ZNF112: variants seen among roughly 807,000 people sequenced by gnomAD.
The protein encoded by ZNF112 is zinc finger protein 112 (Y14).
Under a neutral mutation model 77.7 loss-of-function variants are expected in ZNF112, and 37 were observed. The ratio of observed to expected loss-of-function variants is 0.48; its 90% CI spans 0.37 to 0.63. ZNF112 has a LOEUF of 0.63. Among genes scored for constraint, ZNF112 ranks in the 20% least tolerant of loss-of-function variants. The pLI, the probability that ZNF112 is intolerant of heterozygous loss-of-function variation, is 0.00. For missense variants in ZNF112, 950 were observed against 1,077.4 expected, an observed-to-expected ratio of 0.88 and a Z score of 1.66; for synonymous variants, 333 against 363.6, an observed-to-expected ratio of 0.92 and a Z score of 0.96.
At position 44,328,019 on chromosome 19, in the gene ZNF112, C is replaced by T; in HGVS notation, c.2138G>A (p.Arg713Lys). 7.4e-6 allele frequency: 12 copies of T among 1,612,770 alleles called. No individual in the cohort carries two copies. The highest frequency in any genetic ancestry group is 9.3e-6 in the Non-Finnish European group (11 of 1,179,642). Residue 713 changes from arginine to lysine, a missense_variant, in exon 4 of 4, where the codon AGA (arginine) becomes AAA (lysine). Arg to Lys is a conservative substitution (Grantham distance 26). Around this residue, in one of 3 missense-constraint regions of ZNF112, gnomAD observed 373 missense variants for 482.8 expected, o/e 0.77. Transcript: ENST00000354340. The part of the protein sequence containing the change: ...QSHQSVHSGE[R>K]PYICEVCGKG... ...TCCACATACCTCACATATATATGGT[C>T]TTTCTCCAGAATGGACACTCTGATG...
At chr19:44,340,994 A>T (rs1448965182) in intron 1 of ZNF112, among the ~76,000 whole-genome samples, 1 of 152,176 alleles carries the variant, frequency 6.6e-6, no homozygotes, top group Non-Finnish European at 1.5e-5. Flanking sequence ...TGCTGCAGTG[A>T]TGGGCACAGC....
In ZNF112 at chr19:44,328,548, G is replaced by T; in HGVS notation, c.1609C>A (p.His537Asn). 6.2e-7 allele frequency: 1 copy of T among 1,604,674 alleles called. No homozygotes were observed. Among genetic ancestry groups the T allele is most frequent in the Non-Finnish European group, 8.5e-7 (1 of 1,173,796 alleles). The change falls in exon 4 of 4, where the codon CAT (histidine) becomes AAT (asparagine). Residue 537 changes from histidine to asparagine, a missense_variant. By Grantham distance (68) the His-to-Asn change is moderately conservative (BLOSUM62 1). This residue lies in a region of ZNF112 where 373 missense variants were observed against 482.8 expected (regional missense o/e 0.77). Coordinates refer to ENST00000354340, the MANE Select transcript of ZNF112 (RefSeq NM_013380.4). ...TTCTCTCCTGTGTGGACTCTCTGAT[G>T]AACATTCAGAACTGATCTATGATTG... ...GFNHRSVLNV[H>N]QRVHTGEKPY...
At chr19:44,362,731 TAAAAAG>T (rs1182319711) in intron 1 of ZNF112, among the ~76,000 whole-genome samples, 2 of 152,044 alleles carry the variant, frequency 1.3e-5, no homozygotes, top group Non-Finnish European at 2.9e-5. Context: ...GCACACATAT[TAAAAAG>T]AAAAAGAAAA....
Position 44,329,334 on chromosome 19 carries a change from A to G in ZNF112, c.823T>C (p.Leu275=), listed in dbSNP as rs1402538357. ...SSSEVHQQFH[L]EGKPYTYSSC... ...CTGTATGTATAGGGCTTCCCTTCCAAGTGGAACTGCTGATGAACCTCAGAG... is the reference window on the plus strand; with the variant it reads ...CTGTATGTATAGGGCTTCCCTTCCAGGTGGAACTGCTGATGAACCTCAGAG... The change falls in exon 4 of 4, where the codon TTG becomes CTG. Residue 275 remains leucine, a synonymous_variant. Transcript: ENST00000354340. 4.3e-6 allele frequency: 7 copies of G among 1,613,712 alleles called. No individual in the cohort carries two copies. Among genetic ancestry groups the G allele is most frequent in the Non-Finnish European group, 5.9e-6 (7 of 1,179,806 alleles).
At chr19:44,343,175 AAAG>A (rs775018733) in intron 1 of ZNF112, 86 of 1,521,346 alleles carry the variant, frequency 5.7e-5, no homozygotes, top group Non-Finnish European at 7.6e-5. Flanking sequence ...TACCCTTGGC[AAAG>A]AAGGGGGAAA....
rs1970871238 is a variant in ZNF112, at chr19:44,363,236, G to T, written c.17+3845C>A. ...TCCTCCCACCTTGGCCTCCTAAAGT[G>T]CTGGCATTGTAGGCATGAGCCACTG... On this transcript the variant is annotated intron_variant, in intron 1 of 4. Coordinates refer to the ZNF112 transcript ENST00000588057. Among the ~76,000 whole-genome samples the T allele has an allele frequency of 2.6e-5, 4 of 152,094 alleles. No homozygotes were observed. The South Asian group carries it at 8.3e-4, about 32-fold the overall frequency.
In ZNF112 at chr19:44,362,439, A is replaced by C. The variant is rs1970863853; in HGVS notation, c.17+4642T>G. ...ATTGTCTGCAACATTAAAAGTACTA[A>C]TAAAATATAAAAATAATCTATGGGA... On this transcript the variant is annotated intron_variant, in intron 1 of 4. Coordinates refer to the ZNF112 transcript ENST00000588057. Among the ~76,000 whole-genome samples, 6 of 152,294 alleles carry C rather than the reference A, an allele frequency of 3.9e-5. No homozygotes were observed. In the South Asian group the frequency reaches 1.2e-3, roughly 32 times the overall value.
At chr19:44,336,031 AG>A (rs1970359468) in intron 3 of ZNF112, among the ~76,000 whole-genome samples, 1 of 152,336 alleles carries the variant, frequency 6.6e-6, no homozygotes, top group South Asian at 2.1e-4. Context: ...TATGAATACA[AG>A]GGTGTCTCAC....
chr19:44,363,134 T>C (rs1970869822), intron 1 of ZNF112, among the ~76,000 whole-genome samples: 1 of 141,040 alleles, frequency 7.1e-6, no homozygotes, highest in South Asian at 2.2e-4. Flanking sequence ...CACACATGGC[T>C]AATTTTTTTT....
upstream of ZNF112, among the ~76,000 whole-genome samples, chr19:44,361,300 G>T (rs2571068): frequency 0.47 from 71,440 of 151,908 alleles, 19,652 homozygotes; most frequent in South Asian, 0.62. Context: ...TTCAATTTTT[G>T]TTGTGGGTGG....
chr19:44,365,459 C>CA (rs967687786), intron 1 of ZNF112, among the ~76,000 whole-genome samples: 17 of 123,430 alleles, frequency 1.4e-4, no homozygotes, highest in Non-Finnish European at 3.0e-4. Context: ...GACCCTCTCT[C>CA]AAAAAAAATT....
In ZNF112 at chr19:44,345,800, TAA is replaced by T. The variant is rs1970578197; in HGVS notation, c.-3-5260_-3-5259del. On this transcript the variant is annotated intron_variant, in intron 1 of 3. Coordinates refer to ENST00000354340, the MANE Select transcript of ZNF112 (RefSeq NM_013380.4). ...CAGCCGTGTCAATCACTTGATCTCA[TAA>T]AAGAGTCTCCAGGCCCTTGCATGTG... 2.0e-5 allele frequency among the ~76,000 whole-genome samples: 3 copies of T among 152,302 alleles called. 1 individual carries two copies. In the South Asian group the frequency reaches 6.2e-4, roughly 32 times the overall value.
Sources: allele counts gnomAD v4.1 joint callset (sites outside exome capture counted in the v4.1 genomes callset), GRCh38; gene constraint gnomAD v4.1.1; regional missense constraint gnomAD v4.1.1; transcripts MANE v1.5; gene names NCBI Gene and HGNC (gene_info 2026-07-23, HGNC 2026-07-21).